SLC9A4: variants seen among roughly 807,000 people sequenced by gnomAD.
SLC9A4 encodes solute carrier family 9 member A4.
SLC9A4 carries 63 observed loss-of-function variants against 67.4 expected under a neutral mutation model. That is an observed-to-expected ratio of 0.93 (90% CI 0.76 to 1.15). The LOEUF (loss-of-function observed/expected upper bound fraction) is 1.15, where lower values mean the gene tolerates loss of function less well. Among genes scored for constraint, SLC9A4 ranks in the 50% most tolerant of loss-of-function variants. The pLI, the probability that SLC9A4 is intolerant of heterozygous loss-of-function variation, is 0.00. For missense variants in SLC9A4, 1,089 were observed against 987.7 expected (o/e 1.10, Z -1.38); for synonymous variants, 393 against 367.2 (o/e 1.07, Z -0.80).
At chr2:102,502,379 G>A (rs541582411) in intron 2 of SLC9A4, among the ~76,000 whole-genome samples, 83 of 152,330 alleles carry the variant, frequency 5.4e-4, no homozygotes, top group East Asian at 3.9e-3. Flanking sequence ...GGGATTCGAT[G>A]AAATGATGTG....
chr2:102,518,285 C>T (rs1419064327), intron 8 of SLC9A4, among the ~76,000 whole-genome samples: 2 of 152,162 alleles, frequency 1.3e-5, no homozygotes, highest in Admixed American at 6.6e-5. Context: ...CAATGGTTTT[C>T]CCTATTAGGT....
chr2:102,501,596 G>GGAA (rs1376548212), intron 2 of SLC9A4, among the ~76,000 whole-genome samples: 1 of 152,040 alleles, frequency 6.6e-6, no homozygotes, highest in Non-Finnish European at 1.5e-5. Context: ...ATCAGCAGAG[G>GGAA]TCGGGCTTAC....
chr2:102,530,131 T>C (rs768058390), intron 11 of SLC9A4, among the ~76,000 whole-genome samples: 1 of 152,160 alleles, frequency 6.6e-6, no homozygotes, highest in Non-Finnish European at 1.5e-5. Flanking sequence ...GTTTAAAAAA[T>C]GTGGAGGTGG....
At position 102,479,257 on chromosome 2, in the gene SLC9A4, CATG is replaced by C; in HGVS notation, c.681_683del (p.Met227del). On this transcript the variant is annotated inframe_deletion, in exon 2 of 12. Transcript: ENST00000295269. ...AAGCGCGCGTGAACGAGCAGCTCTA[CATG>C]ATGATCTTTGGGGAGGCCCTGCTCA... 6.2e-7 allele frequency: 1 copy of C among 1,613,944 alleles called. No homozygotes were observed. The highest frequency in any genetic ancestry group is 1.1e-5 in the South Asian group (1 of 91,076).
In SLC9A4 at chr2:102,515,167, A is replaced by G. The variant is rs188816756; in HGVS notation, c.1721+916A>G. On this transcript the variant is annotated intron_variant, in intron 8 of 11. Transcript: ENST00000295269. Reference sequence around the variant, plus strand: ...TCCATCCTGTTGTCTTCAGCAGGTAAAAACACTTGATCATATGCTTCAATT... The same window carrying G: ...TCCATCCTGTTGTCTTCAGCAGGTAGAAACACTTGATCATATGCTTCAATT... 2.1e-3 allele frequency among the ~76,000 whole-genome samples: 312 copies of G among 152,180 alleles called. 2 individuals carry two copies. The highest frequency in any genetic ancestry group is 7.1e-3 in the African/African-American group (294 of 41,526).
chr2:102,528,084 T>G (rs752209526), intron 11 of SLC9A4, among the ~76,000 whole-genome samples: 1 of 152,200 alleles, frequency 6.6e-6, no homozygotes, highest in Non-Finnish European at 1.5e-5. Flanking sequence ...CTTGGCTCAC[T>G]GTAACCTCTG....
In SLC9A4 at chr2:102,479,159, C is replaced by G. The variant is rs777710596; in HGVS notation, c.577C>G (p.Leu193Val). ...VKAFGLGDVN[L>V]LQNLLFGSLI... ...GGCCTTTGGCCTGGGCGACGTCAAC[C>G]TGCTGCAGAACCTGCTGTTCGGCAG... Residue 193 changes from leucine to valine, a missense_variant, in exon 2 of 12, where the codon CTG (leucine) becomes GTG (valine). By Grantham distance (32) the Leu-to-Val change is conservative. Coordinates refer to ENST00000295269, the MANE Select transcript of SLC9A4 (RefSeq NM_001011552.4). 9.9e-6 allele frequency: 16 copies of G among 1,614,062 alleles called. 1 individual carries two copies. In the East Asian group the frequency reaches 3.1e-4, roughly 31 times the overall value.
intron 2 of SLC9A4, among the ~76,000 whole-genome samples, chr2:102,479,537 T>G (rs1390889224): frequency 1.3e-5 from 2 of 152,052 alleles, no homozygotes; most frequent in Non-Finnish European, 2.9e-5. Flanking sequence ...CGTTAAAGAG[T>G]GGAAAAGGAG....
chr2:102,477,240 C>G (rs893881957), intron 1 of SLC9A4, among the ~76,000 whole-genome samples: 1 of 152,190 alleles, frequency 6.6e-6, no homozygotes, highest in African/African-American at 2.4e-5. Context: ...GGTGGATCCC[C>G]TCAATGAATG....
At chr2:102,474,361 G>A (rs995909741) in intron 1 of SLC9A4, among the ~76,000 whole-genome samples, 1 of 152,156 alleles carries the variant, frequency 6.6e-6, no homozygotes, top group Non-Finnish European at 1.5e-5. Flanking sequence ...CATGATGCAA[G>A]GTGGAAATTT....
At chr2:102,497,670 G>A (rs972758176) in intron 2 of SLC9A4, among the ~76,000 whole-genome samples, 3 of 152,186 alleles carry the variant, frequency 2.0e-5, no homozygotes, top group African/African-American at 4.8e-5. Flanking sequence ...TGGGGCCAGG[G>A]TCGGAGAGAA....
At chr2:102,503,053 C>G (rs1684975512) in intron 2 of SLC9A4, among the ~76,000 whole-genome samples, 1 of 152,216 alleles carries the variant, frequency 6.6e-6, no homozygotes. Context: ...ACCTGAATGT[C>G]CTTTCTAGGC....
intron 2 of SLC9A4, among the ~76,000 whole-genome samples, chr2:102,499,892 T>C (rs1488969503): frequency 6.6e-6 from 1 of 152,202 alleles, no homozygotes; most frequent in Admixed American, 6.5e-5. Context: ...TTTAAGACCT[T>C]GTAAAATTCA....
intron 8 of SLC9A4, among the ~76,000 whole-genome samples, chr2:102,516,974 A>G (rs900249047): frequency 6.6e-6 from 1 of 152,130 alleles, no homozygotes; most frequent in Non-Finnish European, 1.5e-5. Context: ...TTTTTTCAAA[A>G]GAGGCCTAAA....
chr2:102,531,392 G>A (rs1434620566), intron 11 of SLC9A4, among the ~76,000 whole-genome samples: 3 of 152,258 alleles, frequency 2.0e-5, no homozygotes, highest in Non-Finnish European at 2.9e-5. Context: ...CCCAGGCATC[G>A]GTTAGGGGTC....
chr2:102,509,036 C>G (rs1685105785), intron 6 of SLC9A4, 103 bp downstream of exon 6: 2 of 1,007,936 alleles, frequency 2.0e-6, no homozygotes, highest in African/African-American at 1.6e-5. Flanking sequence ...TCCTTCCCCA[C>G]TCTGCCAAGA....
chr2:102,495,373 A>G (rs1402905473), intron 2 of SLC9A4, among the ~76,000 whole-genome samples: 3 of 152,126 alleles, frequency 2.0e-5, no homozygotes, highest in African/African-American at 7.2e-5. Context: ...CAGGAATTAG[A>G]AGACCTAAAT....
chr2:102,490,643 C>T (rs183136316), intron 2 of SLC9A4, among the ~76,000 whole-genome samples: 321 of 152,252 alleles, frequency 2.1e-3, no homozygotes, highest in Non-Finnish European at 3.6e-3. Flanking sequence ...TGATTCAACC[C>T]GTAGCTGACC....
rs554617279 is a variant in SLC9A4 at position 102,473,302 on chromosome 2, TAGAC to T, written c.-455_-452del. On this transcript the variant is annotated 5_prime_UTR_variant, in exon 1 of 12. It introduces an in-frame stop codon into an upstream open reading frame of the 5' UTR. Coordinates refer to ENST00000295269, the MANE Select transcript of SLC9A4 (RefSeq NM_001011552.4). The stretch of plus-strand genomic sequence containing the variant: ...CAGGTAGCTCCTTCTTGGGATCTGA[TAGAC>T]AGGGAAGGTTTCCTTTCCTCATTAG... The T allele has an allele frequency of 4.5e-5, 7 of 155,324 alleles. No homozygotes were observed. The East Asian group carries it at 1.3e-3, about 29-fold the overall frequency. The allele number at this position is 155,324 out of a possible 1,614,324, so 9.6% of individuals were successfully genotyped here.
Sources: allele counts gnomAD v4.1 joint callset (sites outside exome capture counted in the v4.1 genomes callset), GRCh38; gene constraint gnomAD v4.1.1; transcripts MANE v1.5; gene names NCBI Gene and HGNC (gene_info 2026-07-23, HGNC 2026-07-21).